SCML4: variants seen among roughly 807,000 people sequenced by gnomAD.
SCML4 encodes the protein sex comb on midleg-like protein 4.
SCML4 carries 34 observed loss-of-function variants against 41.1 expected under a neutral mutation model. That is an observed-to-expected ratio of 0.83 (90% confidence interval 0.63 to 1.10). The LOEUF is 1.10. Ranked by LOEUF, SCML4 falls within the 50% of genes least tolerant of loss-of-function variation. The pLI is 0.00. For missense variants in SCML4, 522 were observed against 534.1 expected (o/e 0.98, Z 0.22); for synonymous variants, 214 against 220.9 (o/e 0.97, Z 0.28).
At chr6:107,839,995 C>T in the SCML4 span, among the ~76,000 whole-genome samples, 53 of 151,828 alleles carry the variant, frequency 3.5e-4, no homozygotes, top group African/African-American at 1.1e-3. Flanking sequence ...AAATGTAAAC[C>T]GAATTTGACT....
upstream of SCML4, among the ~76,000 whole-genome samples, chr6:107,826,280 AAAAGAAAAGAAAAG>A (rs1343311729): frequency 3.1e-4 from 40 of 128,948 alleles, 1 homozygote; most frequent in South Asian, 8.4e-3. Flanking sequence ...AGAAAAGAAG[AAAAGAAAAGAAAAG>A]AAAGAAAAGA....
At chr6:107,822,335 ACC>A (rs892080065) in intron 1 of SCML4, among the ~76,000 whole-genome samples, 1 of 152,004 alleles carries the variant, frequency 6.6e-6, no homozygotes, top group Non-Finnish European at 1.5e-5. Flanking sequence ...ACAGCCTTTC[ACC>A]CTCACCCCCA....
intron 1 of SCML4, among the ~76,000 whole-genome samples, chr6:107,816,416 C>T (rs1026787110): frequency 2.0e-5 from 3 of 152,130 alleles, no homozygotes; most frequent in Non-Finnish European, 4.4e-5. Flanking sequence ...AGAGGAGGCT[C>T]GGGGATGCCA....
In SCML4 at chr6:107,821,284, C is replaced by T. The variant is rs534500775; in HGVS notation, c.-60+2842G>A. On this transcript the variant is annotated intron_variant, in intron 1 of 7. Transcript: ENST00000369020. The stretch of plus-strand genomic sequence containing the variant: ...TCTCCCAGGGGCTGATTTAATCCCC[C>T]TCTTCTCTCCTCACCTGTCTGCTTT... Among the ~76,000 whole-genome samples the T allele has an allele frequency of 6.6e-5, 10 of 150,866 alleles. No homozygotes were observed. The South Asian group carries it at 1.9e-3, about 28-fold the overall frequency.
chr6:107,711,403 G>A (rs972032815), intron 6 of SCML4, among the ~76,000 whole-genome samples: 1 of 152,184 alleles, frequency 6.6e-6, no homozygotes, highest in Admixed American at 6.5e-5. Flanking sequence ...GATTTGTGTT[G>A]CAATTTTCTC....
chr6:107,756,439 C>A (rs931177917), intron 2 of SCML4, among the ~76,000 whole-genome samples: 2 of 152,136 alleles, frequency 1.3e-5, no homozygotes, highest in African/African-American at 4.8e-5. Context: ...AATACCCAAC[C>A]AGTACTCCTC....
intron 1 of SCML4, among the ~76,000 whole-genome samples, chr6:107,818,787 G>T (rs1326768086): frequency 6.6e-6 from 1 of 152,206 alleles, no homozygotes; most frequent in African/African-American, 2.4e-5. Flanking sequence ...GTCAAAACAG[G>T]ATTAAAATCC....
intron 1 of SCML4, among the ~76,000 whole-genome samples, chr6:107,814,265 A>T (rs561134007): frequency 6.6e-6 from 1 of 152,342 alleles, no homozygotes; most frequent in East Asian, 1.9e-4. Context: ...AAAAAAGTTA[A>T]CCGTGGAGCC....
intron 6 of SCML4, among the ~76,000 whole-genome samples, chr6:107,717,172 A>AAAAAAAAAAAAAAAAT (rs1321916871): frequency 8.9e-6 from 1 of 112,780 alleles, no homozygotes; most frequent in African/African-American, 3.5e-5. Context: ...AAAAAAAAAA[A>AAAAAAAAAAAAAAAAT]AGCCAGGTGT....
chr6:107,840,708 G>A, the SCML4 span, among the ~76,000 whole-genome samples: 1 of 152,088 alleles, frequency 6.6e-6, no homozygotes, highest in South Asian at 2.1e-4. Flanking sequence ...AATGTGATGA[G>A]GGGGAGAGGA....
intron 1 of SCML4, among the ~76,000 whole-genome samples, chr6:107,802,997 C>T (rs1352785100): frequency 3.3e-5 from 5 of 151,624 alleles, no homozygotes; most frequent in East Asian, 2.0e-4. Context: ...CCGCCAGCCT[C>T]GGCCTCCCGA....
chr6:107,704,904 C>A lies in SCML4; in HGVS notation c.*296G>T, dbSNP rs151030572. 987 of 433,602 alleles carry A rather than the reference C, an allele frequency of 2.3e-3. 8 individuals carry two copies. The highest frequency in any genetic ancestry group is 8.7e-3 in the East Asian group (171 of 19,580). The allele number at this position is 433,602 out of a possible 1,614,324, so 26.9% of individuals were successfully genotyped here. A position where few individuals can be genotyped will look rare whatever the true frequency, so the allele number is the denominator to read the frequency against. ...TTGGGCATAAGCATTCAGTTCCCCA[C>A]TCTCTCGTTATGCAAATAGGACCCA... On this transcript the variant is annotated 3_prime_UTR_variant, in exon 8 of 8. Coordinates refer to ENST00000369020, the MANE Select transcript of SCML4 (RefSeq NM_198081.5).
chr6:107,773,863 C>T (rs1040386168), intron 1 of SCML4, among the ~76,000 whole-genome samples: 1 of 152,278 alleles, frequency 6.6e-6, no homozygotes, highest in Non-Finnish European at 1.5e-5. Flanking sequence ...TTGGGGAAGA[C>T]GATGGGCACA....
In SCML4 at chr6:107,702,488, T is replaced by G. The variant is rs1257301852; in HGVS notation, c.*2712A>C. 6.6e-6 allele frequency among the ~76,000 whole-genome samples: 1 copy of G among 152,146 alleles called. No individual in the cohort carries two copies. The highest frequency in any genetic ancestry group is 1.9e-4 in the East Asian group (1 of 5,194). Reference sequence around the variant, plus strand: ...TTGAAAACTTGATACTGGAAGTCACTACATGAGGTATCTGTTGATGGAAGA... The same window carrying G: ...TTGAAAACTTGATACTGGAAGTCACGACATGAGGTATCTGTTGATGGAAGA... On this transcript the variant is annotated 3_prime_UTR_variant, in exon 8 of 8. Transcript: ENST00000369020.
chr6:107,823,360 G>A (rs553908375), intron 1 of SCML4, among the ~76,000 whole-genome samples: 1 of 152,296 alleles, frequency 6.6e-6, no homozygotes, highest in South Asian at 2.1e-4. Flanking sequence ...CTCCTGTCCA[G>A]CCAGCAATCA....
intron 2 of SCML4, among the ~76,000 whole-genome samples, chr6:107,750,178 C>T (rs1035578261): frequency 6.6e-6 from 1 of 152,200 alleles, no homozygotes; most frequent in Non-Finnish European, 1.5e-5. Context: ...ATCCTGTGGA[C>T]AGGGCTTTCC....
the SCML4 span, among the ~76,000 whole-genome samples, chr6:107,840,816 G>A: frequency 6.6e-6 from 1 of 152,142 alleles, no homozygotes; most frequent in South Asian, 2.1e-4. Context: ...ATGCTGCTCT[G>A]AGGCAATGGA....
chr6:107,797,202 T>A (rs964098229), intron 1 of SCML4, among the ~76,000 whole-genome samples: 7 of 152,140 alleles, frequency 4.6e-5, no homozygotes, highest in Non-Finnish European at 1.0e-4. Context: ...TCATTAGGAA[T>A]GCATTGAATT....
intron 7 of SCML4, among the ~76,000 whole-genome samples, chr6:107,706,114 C>T (rs1583353119): frequency 6.6e-6 from 1 of 152,158 alleles, no homozygotes; most frequent in African/African-American, 2.4e-5. Flanking sequence ...ATAATGGTGC[C>T]AGGGTCACCA....
Sources: allele counts gnomAD v4.1 joint callset (sites outside exome capture counted in the v4.1 genomes callset), GRCh38; gene constraint gnomAD v4.1.1; transcripts MANE v1.5; gene names NCBI Gene and HGNC (gene_info 2026-07-23, HGNC 2026-07-21).